Variants in COMMD10 observed in about 807,000 individuals in gnomAD.
COMMD10 encodes the protein COMM domain-containing protein 10.
In COMMD10, 33 loss-of-function variants were observed where a neutral mutation model predicts 28.9. That is an observed-to-expected ratio of 1.14 (90% CI 0.87 to 1.53). The LOEUF (loss-of-function observed/expected upper bound fraction) is 1.53. Among genes scored for constraint, COMMD10 ranks in the 40% most tolerant of loss-of-function variants. COMMD10 has a pLI of 0.00. For missense variants in COMMD10, 310 were observed against 233.4 expected, an observed-to-expected ratio of 1.33 and a Z score of -2.14; for synonymous variants, 110 against 81.7, an observed-to-expected ratio of 1.35 and a Z score of -1.87.
chr5:116,232,450 C>T (rs546287120), intron 5 of COMMD10, among the ~76,000 whole-genome samples: 74 of 152,162 alleles, frequency 4.9e-4, no homozygotes, highest in Admixed American at 1.4e-3. Context: ...GGTACCAGTA[C>T]TCTTCACGTG....
intron 5 of COMMD10, among the ~76,000 whole-genome samples, chr5:116,182,923 G>A (rs4518445): frequency 0.31 from 47,550 of 151,788 alleles, 10,329 homozygotes; most frequent in African/African-American, 0.62. Context: ...TTTTAAGCAT[G>A]TGGCATTTCC....
intron 4 of COMMD10, among the ~76,000 whole-genome samples, chr5:116,095,483 C>T (rs1234682374): frequency 6.6e-6 from 1 of 152,144 alleles, no homozygotes; most frequent in East Asian, 1.9e-4. Context: ...TTAATTGAGG[C>T]ATAAGCCCAT....
Position 116,283,131 on chromosome 5 carries a change from C to G in COMMD10, c.511-8386C>G, listed in dbSNP as rs556167461. ...ATCTTACATATAAATGCTTTTATCT[C>G]AAGAGGAATCATGCAATACTGCAGA... On this transcript the variant is annotated intron_variant, in intron 5 of 6. Coordinates refer to ENST00000274458, the MANE Select transcript of COMMD10 (RefSeq NM_016144.4). Among the ~76,000 whole-genome samples the G allele has an allele frequency of 1.3e-4, 19 of 151,930 alleles. 2 individuals carry two copies. The highest frequency in any genetic ancestry group is 4.6e-4 in the African/African-American group (19 of 41,262).
intron 5 of COMMD10, among the ~76,000 whole-genome samples, chr5:116,245,810 G>A (rs1219711736): frequency 2.0e-5 from 3 of 148,518 alleles, no homozygotes; most frequent in East Asian, 2.0e-4. Flanking sequence ...AAAACTCATA[G>A]CAAACTAGGT....
chr5:116,248,308 A>G (rs1419883802), intron 5 of COMMD10, among the ~76,000 whole-genome samples: 2 of 152,008 alleles, frequency 1.3e-5, no homozygotes, highest in South Asian at 2.1e-4. Flanking sequence ...AGTTTCAGAT[A>G]CAGATGGATA....
Position 116,169,382 on chromosome 5 carries a change from G to A in COMMD10, c.510+35204G>A, listed in dbSNP as rs573917998. Among the ~76,000 whole-genome samples the A allele has an allele frequency of 2.0e-5, 3 of 152,214 alleles. No homozygotes were observed. The South Asian group carries it at 6.2e-4, about 32-fold the overall frequency. ...GGGCTACCAACCAAAAAAAAGCCCA[G>A]GACCACACAGATTCATAGCTGAATT... On this transcript the variant is annotated intron_variant, in intron 5 of 6. Transcript: ENST00000274458.
chr5:116,291,612 G>T, intron 6 of COMMD10, 36 bp downstream of exon 6: 1 of 1,156,166 alleles, frequency 8.6e-7, no homozygotes, highest in South Asian at 1.5e-5. Context: ...AATATGTGGA[G>T]TTTTTTTCAT....
intron 5 of COMMD10, among the ~76,000 whole-genome samples, chr5:116,150,861 C>T (rs1752500610): frequency 6.8e-6 from 1 of 147,498 alleles, no homozygotes. Context: ...CCTTCTCCTG[C>T]CTAATTGCCC....
intron 5 of COMMD10, among the ~76,000 whole-genome samples, chr5:116,276,692 T>G (rs1677406): frequency 0.48 from 72,468 of 151,644 alleles, 19,488 homozygotes; most frequent in African/African-American, 0.73. Context: ...AACAGAATTT[T>G]TACTGATACA....
intron 5 of COMMD10, among the ~76,000 whole-genome samples, chr5:116,154,478 C>G (rs1752641236): frequency 6.6e-6 from 1 of 152,072 alleles, no homozygotes; most frequent in Non-Finnish European, 1.5e-5. Flanking sequence ...CAAACATGAC[C>G]TGTTTTCTGA....
intron 5 of COMMD10, among the ~76,000 whole-genome samples, chr5:116,143,001 C>T (rs1752239835): frequency 6.8e-6 from 1 of 148,130 alleles, no homozygotes; most frequent in African/African-American, 2.5e-5. Flanking sequence ...AATTATCCTT[C>T]AAGGTTTTAC....
chr5:116,154,505 G>T (rs1752642165), intron 5 of COMMD10, among the ~76,000 whole-genome samples: 3 of 151,982 alleles, frequency 2.0e-5, no homozygotes, highest in Non-Finnish European at 4.4e-5. Flanking sequence ...TGTTCACCTG[G>T]GTTCTTTTCA....
chr5:116,282,050 A>G (rs754343702), intron 5 of COMMD10, among the ~76,000 whole-genome samples: 1 of 151,934 alleles, frequency 6.6e-6, no homozygotes, highest in Non-Finnish European at 1.5e-5. Flanking sequence ...TGTCAAGGAA[A>G]TCTTGCAGAT....
chr5:116,179,621 A>G (rs1747877954), intron 5 of COMMD10, among the ~76,000 whole-genome samples: 1 of 152,172 alleles, frequency 6.6e-6, no homozygotes, highest in African/African-American at 2.4e-5. Flanking sequence ...AGTAGAAGGT[A>G]TACAATAGGA....
intron 5 of COMMD10, among the ~76,000 whole-genome samples, chr5:116,166,907 A>G (rs1158599587): frequency 6.6e-6 from 1 of 152,176 alleles, no homozygotes; most frequent in Non-Finnish European, 1.5e-5. Context: ...CAATGCAGAA[A>G]GGCTGAAAAT....
At chr5:116,274,967 G>T (rs1580604477) in intron 5 of COMMD10, among the ~76,000 whole-genome samples, 2 of 151,604 alleles carry the variant, frequency 1.3e-5, no homozygotes, top group Non-Finnish European at 2.9e-5. Flanking sequence ...ATGGCCTGCT[G>T]GTATTTTCTA....
At chr5:116,162,828 C>G (rs1248443163) in intron 5 of COMMD10, among the ~76,000 whole-genome samples, 1 of 151,904 alleles carries the variant, frequency 6.6e-6, no homozygotes, top group Non-Finnish European at 1.5e-5. Context: ...CTTCTAGGGT[C>G]TACTTCAGAG....
intron 5 of COMMD10, among the ~76,000 whole-genome samples, chr5:116,282,560 G>A (rs1300876065): frequency 6.6e-6 from 1 of 151,672 alleles, no homozygotes; most frequent in Non-Finnish European, 1.5e-5. Context: ...TAGCTTCCTA[G>A]GGCGACCATA....
chr5:116,243,502 A>T (rs1348501764), intron 5 of COMMD10, among the ~76,000 whole-genome samples: 1 of 152,172 alleles, frequency 6.6e-6, no homozygotes, highest in Non-Finnish European at 1.5e-5. Context: ...CACTATGGAG[A>T]CTTTGGAGAA....
Sources: allele counts gnomAD v4.1 joint callset (sites outside exome capture counted in the v4.1 genomes callset), GRCh38; gene constraint gnomAD v4.1.1; transcripts MANE v1.5; gene names NCBI Gene and HGNC (gene_info 2026-07-23, HGNC 2026-07-21).